Variants in RUNX1 observed in about 807,000 individuals in gnomAD.
RUNX1 encodes the protein runt-related transcription factor 1.
In RUNX1, 19 loss-of-function variants were observed where a neutral mutation model predicts 42.8. That is an observed-to-expected ratio of 0.44 (90% CI 0.31 to 0.65). RUNX1 has a LOEUF of 0.65. Ranked by LOEUF, RUNX1 falls within the 30% of genes least tolerant of loss-of-function variation. RUNX1 has a pLI of 0.07. For synonymous variants in RUNX1, 271 were observed against 289.4 expected, an observed-to-expected ratio of 0.94 and a Z score of 0.64; for missense variants, 528 against 672.0, an observed-to-expected ratio of 0.79 and a Z score of 2.37.
chr21:34,972,847 GGA>G (rs139595694), intron 2 of RUNX1, among the ~76,000 whole-genome samples: 2,180 of 152,202 alleles, frequency 0.014, 58 homozygotes, highest in African/African-American at 0.047. Flanking sequence ...CCCACGGGTT[GGA>G]GAGAGCCTGA....
At chr21:34,958,461 AC>A (rs2058660861) in intron 2 of RUNX1, among the ~76,000 whole-genome samples, 1 of 152,216 alleles carries the variant, frequency 6.6e-6, no homozygotes, top group Admixed American at 6.5e-5. Flanking sequence ...GCTCATCATC[AC>A]TGGCCATCAG....
At chr21:34,835,830 C>A (rs1473123126) in intron 6 of RUNX1, among the ~76,000 whole-genome samples, 1 of 152,182 alleles carries the variant, frequency 6.6e-6, no homozygotes, top group Non-Finnish European at 1.5e-5. Flanking sequence ...CAATCCTAGA[C>A]TAGAAAGAGG....
chr21:34,961,849 T>C (rs538315083), intron 2 of RUNX1, among the ~76,000 whole-genome samples: 28 of 152,336 alleles, frequency 1.8e-4, no homozygotes, highest in Admixed American at 3.9e-4. Flanking sequence ...TCAGTATGCA[T>C]TCTGGTACAT....
intron 2 of RUNX1, among the ~76,000 whole-genome samples, chr21:34,970,527 C>T (rs780234437): frequency 1.1e-4 from 17 of 152,188 alleles, no homozygotes; most frequent in Non-Finnish European, 1.9e-4. Flanking sequence ...TCAAAAGTCA[C>T]CTTCAGCCTT....
chr21:34,977,647 T>A, intron 2 of RUNX1, among the ~76,000 whole-genome samples: 1 of 152,218 alleles, frequency 6.6e-6, no homozygotes, highest in East Asian at 1.9e-4. Flanking sequence ...AGGTATTTGA[T>A]CCAGACTGGA....
At chr21:34,845,152 C>T (rs1026484800) in intron 6 of RUNX1, among the ~76,000 whole-genome samples, 49 of 152,230 alleles carry the variant, frequency 3.2e-4, no homozygotes, top group Non-Finnish European at 5.1e-4. Flanking sequence ...TTTGCCTAGA[C>T]TCCCACAGAG....
At chr21:34,893,774 TTTTTTTTTTAAAAAAAAACC>T (rs1207792850) in intron 2 of RUNX1, among the ~76,000 whole-genome samples, 4 of 138,776 alleles carry the variant, frequency 2.9e-5, no homozygotes, top group Non-Finnish European at 6.0e-5. Flanking sequence ...TATGCTGTTT[TTTTTTTTTTAAAAAAAAACC>T]TTTAAAATAA....
chr21:34,888,172 T>C (rs1400427817), intron 3 of RUNX1: 1 of 1,066,488 alleles, frequency 9.4e-7, no homozygotes, highest in Non-Finnish European at 1.1e-6. Flanking sequence ...AGCGAGACGA[T>C]ACTCCTCCAC....
chr21:34,874,595 A>T (rs1160123880), intron 5 of RUNX1, among the ~76,000 whole-genome samples: 1 of 126,986 alleles, frequency 7.9e-6, no homozygotes, highest in African/African-American at 3.2e-5. Context: ...AGGCAACAAG[A>T]GGGAAACTCT....
At chr21:34,821,404 C>A (rs2056906177) in intron 7 of RUNX1, 1 of 1,300,568 alleles carries the variant, frequency 7.7e-7, no homozygotes, top group Non-Finnish European at 9.8e-7. Flanking sequence ...ACAATGCTTC[C>A]CATGTGCTGT....
intron 2 of RUNX1, among the ~76,000 whole-genome samples, chr21:34,998,739 C>T (rs1393083737): frequency 6.6e-6 from 1 of 152,138 alleles, no homozygotes; most frequent in Non-Finnish European, 1.5e-5. Context: ...GATGGGGTTT[C>T]ACCGAGTTAG....
chr21:35,022,993 G>A (rs1019096239), intron 2 of RUNX1, among the ~76,000 whole-genome samples: 179 of 151,704 alleles, frequency 1.2e-3, no homozygotes, highest in African/African-American at 4.1e-3. Context: ...TGCCCAGGCT[G>A]GAGTACAGTA....
intron 2 of RUNX1, among the ~76,000 whole-genome samples, chr21:34,972,754 T>C (rs1198630990): frequency 6.6e-6 from 1 of 152,166 alleles, no homozygotes; most frequent in Non-Finnish European, 1.5e-5. Flanking sequence ...AGATTGGTGG[T>C]GTGCAGCCTT....
At chr21:34,966,558 C>T (rs910724560) in intron 2 of RUNX1, among the ~76,000 whole-genome samples, 5 of 152,186 alleles carry the variant, frequency 3.3e-5, no homozygotes, top group African/African-American at 1.2e-4. Context: ...TCATTGACTG[C>T]TTTCAATGTA....
Position 34,792,212 on chromosome 21 carries a change from C to T in RUNX1, c.1366G>A (p.Glu456Lys), listed in dbSNP as rs2145872754. ...LPNQSDVVEA[E>K]GSHSNSPTNM... ...GTGGGGGAGTTGCTGTGGCTGCCCT[C>T]GGCCTCCACCACGTCGCTCTGGTTC... The change falls in exon 9 of 9, where the codon GAG becomes AAG. Residue 456 changes from glutamate to lysine, a missense_variant. Physicochemically the swap from Glu to Lys is moderately conservative, Grantham distance 56. This residue lies in a region of RUNX1 where 331 missense variants were observed against 382.5 expected (regional missense o/e 0.87). Transcript: ENST00000675419. This position sits in a 1 kb window ranked among gnomAD's most constrained non-coding sequence, Gnocchi z 6.9. 1.3e-6 allele frequency: 2 copies of T among 1,538,674 alleles called. No individual in the cohort carries two copies. The highest frequency in any genetic ancestry group is 1.9e-5 in the Admixed American group (1 of 51,826).
chr21:34,832,737 A>G (rs2057081114), intron 7 of RUNX1, among the ~76,000 whole-genome samples: 1 of 152,066 alleles, frequency 6.6e-6, no homozygotes, highest in Non-Finnish European at 1.5e-5. Context: ...TTTACCATAT[A>G]CGCTTGTATT....
At chr21:35,023,640 G>T (rs974873049) in intron 2 of RUNX1, among the ~76,000 whole-genome samples, 17 of 152,190 alleles carry the variant, frequency 1.1e-4, no homozygotes, top group Non-Finnish European at 5.9e-5. Flanking sequence ...GAGGCCAATG[G>T]TTTGCTTTCT....
chr21:34,984,200 A>G (rs913489234), intron 2 of RUNX1, among the ~76,000 whole-genome samples: 1 of 152,200 alleles, frequency 6.6e-6, no homozygotes, highest in African/African-American at 2.4e-5. Context: ...GGAGTAAGAG[A>G]GAAGGAAGAG....
chr21:34,975,482 G>A (rs1423196879), intron 2 of RUNX1, among the ~76,000 whole-genome samples: 1 of 152,152 alleles, frequency 6.6e-6, no homozygotes, highest in Non-Finnish European at 1.5e-5. Context: ...GTATACAGGA[G>A]GATGTGCACA....
Sources: gnomAD v4.1 joint callset for allele counts (sites outside exome capture counted in the v4.1 genomes callset) on GRCh38, gnomAD v4.1.1 for gene constraint, gnomAD v4.1.1 regional missense constraint, Gnocchi (gnomAD v3.1) non-coding constraint, MANE v1.5 for transcripts, NCBI Gene and HGNC (gene_info 2026-07-23, HGNC 2026-07-21) for gene names.